Variants in KLHL29 observed in about 807,000 individuals in gnomAD.
KLHL29 encodes kelch like family member 29, also known as kelch-like protein 29.
A neutral mutation model predicts 80.4 loss-of-function variants in KLHL29; 21 were observed. That is an observed-to-expected ratio of 0.26 (90% CI 0.19 to 0.38). The LOEUF (loss-of-function observed/expected upper bound fraction) is 0.38. Among genes scored for constraint, KLHL29 ranks in the 10% least tolerant of loss-of-function variants. KLHL29 has a pLI of 1.00. For synonymous variants in KLHL29, 511 were observed against 526.8 expected (o/e 0.97, Z 0.41); for missense variants, 867 against 1,223.9 (o/e 0.71, Z 4.35).
rs1330407794 is a variant in KLHL29 at position 23,647,700 on chromosome 2, T to C, written c.940+4850T>C. Among the ~76,000 whole-genome samples, 3 of 152,118 alleles carry C rather than the reference T, an allele frequency of 2.0e-5. No homozygotes were observed. The highest frequency in any genetic ancestry group is 4.4e-5 in the Non-Finnish European group (3 of 68,026). ...TGCCACACCCTGTCCAACAACCCAG[T>C]TGCTCTGGGGACAACGGCCAGCGCT... On this transcript the variant is annotated intron_variant, in intron 5 of 13. Coordinates refer to ENST00000486442, the MANE Select transcript of KLHL29 (RefSeq NM_052920.2). This position sits in a 1 kb window ranked among gnomAD's most constrained non-coding sequence, Gnocchi z 4.9.
chr2:23,461,914 G>A (rs1227873609), intron 1 of KLHL29, among the ~76,000 whole-genome samples: 1 of 151,296 alleles, frequency 6.6e-6, no homozygotes, highest in African/African-American at 2.4e-5. Flanking sequence ...ATGGCCCCTA[G>A]GGAGAGGGAA....
At chr2:23,666,314 G>C (rs964319493) in intron 5 of KLHL29, among the ~76,000 whole-genome samples, 1 of 152,184 alleles carries the variant, frequency 6.6e-6, no homozygotes, top group African/African-American at 2.4e-5. Context: ...CAAAACCAGG[G>C]CAGGGGTCTC....
At chr2:23,498,634 G>A (rs1275366178) in intron 2 of KLHL29, among the ~76,000 whole-genome samples, 1 of 152,244 alleles carries the variant, frequency 6.6e-6, no homozygotes, top group Non-Finnish European at 1.5e-5. Flanking sequence ...GAAGGTCGGG[G>A]CTTCCTTCCA....
chr2:23,539,551 C>T (rs1666776414), intron 2 of KLHL29, among the ~76,000 whole-genome samples: 2 of 150,908 alleles, frequency 1.3e-5, no homozygotes, highest in Non-Finnish European at 2.9e-5. Context: ...AAGCCGTCCT[C>T]CTGCCCCAGC....
At chr2:23,393,614 C>T in intron 1 of KLHL29, among the ~76,000 whole-genome samples, 1 of 152,108 alleles carries the variant, frequency 6.6e-6, no homozygotes, top group East Asian at 1.9e-4. Context: ...CTGTATTTTC[C>T]AACTTCTTCT....
chr2:23,433,703 C>CAGG (rs1663250454), intron 1 of KLHL29, among the ~76,000 whole-genome samples: 1 of 152,102 alleles, frequency 6.6e-6, no homozygotes, highest in Non-Finnish European at 1.5e-5. Context: ...CGCTTGAAGC[C>CAGG]AGGAGTTCAA....
chr2:23,388,173 G>A (rs1345464739), intron 1 of KLHL29, among the ~76,000 whole-genome samples: 5 of 152,122 alleles, frequency 3.3e-5, no homozygotes, highest in Non-Finnish European at 7.3e-5. Flanking sequence ...ATGAGTGGTG[G>A]TCATACTTCA....
At chr2:23,500,076 A>G (rs950306332) in intron 2 of KLHL29, among the ~76,000 whole-genome samples, 2 of 152,234 alleles carry the variant, frequency 1.3e-5, no homozygotes, top group Non-Finnish European at 2.9e-5. Context: ...CGCCAGCAAG[A>G]TAACAGTGAA....
intron 1 of KLHL29, among the ~76,000 whole-genome samples, chr2:23,473,749 C>G (rs1225775724): frequency 6.6e-6 from 1 of 152,140 alleles, no homozygotes; most frequent in African/African-American, 2.4e-5. Context: ...TCTTTGGGCT[C>G]TCAAGTTAGT....
Position 23,479,210 on chromosome 2 carries a change from G to A in KLHL29, c.-46+3543G>A, listed in dbSNP as rs192339470. Among the ~76,000 whole-genome samples, 73 of 151,044 alleles carry A rather than the reference G, an allele frequency of 4.8e-4. 1 individual carries two copies. The highest frequency in any genetic ancestry group is 1.6e-3 in the African/African-American group (65 of 41,092). ...CCCTTCTTCAAATAGGTATGTGGGC[G>A]CTCACACCCCTGAAAAGGCCGTGTG... On this transcript the variant is annotated intron_variant, in intron 2 of 13. Transcript: ENST00000486442.
At chr2:23,567,726 T>C (rs1667624534) in intron 3 of KLHL29, among the ~76,000 whole-genome samples, 1 of 152,218 alleles carries the variant, frequency 6.6e-6, no homozygotes, top group Non-Finnish European at 1.5e-5. Flanking sequence ...CACAGAACTC[T>C]CATTCCTCTT....
rs544452174 is a variant in KLHL29, at chr2:23,661,352, A to AC, written c.940+18502_940+18503insC. On this transcript the variant is annotated intron_variant, in intron 5 of 13. Coordinates refer to ENST00000486442, the MANE Select transcript of KLHL29 (RefSeq NM_052920.2). ...TCAAGACCCTGTCTAAAAAAAAAAA[A>AC]AAAACCATGAAAAATGTTTTAACAG... 2.8e-3 allele frequency among the ~76,000 whole-genome samples: 420 copies of AC among 151,858 alleles called. 2 individuals carry two copies. The highest frequency in any genetic ancestry group is 0.024 in the Middle Eastern group (7 of 294).
At chr2:23,665,908 A>G (rs1435945124) in intron 5 of KLHL29, among the ~76,000 whole-genome samples, 1 of 152,226 alleles carries the variant, frequency 6.6e-6, no homozygotes. Flanking sequence ...GGAGGGGACA[A>G]ATATCCAAAC....
At chr2:23,437,735 A>G (rs1279086197) in intron 1 of KLHL29, among the ~76,000 whole-genome samples, 1 of 152,238 alleles carries the variant, frequency 6.6e-6, no homozygotes, top group Non-Finnish European at 1.5e-5. Flanking sequence ...GTTTTAAGTC[A>G]GGTAGCATGA....
In KLHL29 at chr2:23,680,671, C is replaced by CTCTAGGCCATCTTCCCCTGGGG. The variant is rs1558436891; in HGVS notation, c.941-3725_941-3724insAGGCCATCTTCCCCTGGGGTCT. Among the ~76,000 whole-genome samples, 1 of 140,066 alleles carries CTCTAGGCCATCTTCCCCTGGGG rather than the reference C, an allele frequency of 7.1e-6. No individual in the cohort carries two copies. Among genetic ancestry groups the CTCTAGGCCATCTTCCCCTGGGG allele is most frequent in the Non-Finnish European group, 1.6e-5 (1 of 63,032 alleles). 91.9% of individuals were successfully genotyped at this position (140,066 alleles called of 152,430 possible). On this transcript the variant is annotated intron_variant, in intron 5 of 13. Coordinates refer to ENST00000486442, the MANE Select transcript of KLHL29 (RefSeq NM_052920.2). The surrounding 1 kb of genome is among the most constrained non-coding windows in gnomAD (Gnocchi z 4.1). ...GGTCTCTAGGCCATCTTCTCCTGGG[C>CTCTAGGCCATCTTCCCCTGGGG]TCTCTAGGCCATCTTCCCCTGGGGT...
intron 2 of KLHL29, among the ~76,000 whole-genome samples, chr2:23,535,551 A>C (rs1666635069): frequency 6.6e-6 from 1 of 152,260 alleles, no homozygotes; most frequent in African/African-American, 2.4e-5. Context: ...CATACAATTG[A>C]ATATTATCTA....
At chr2:23,584,712 A>G (rs1232869308) in intron 3 of KLHL29, among the ~76,000 whole-genome samples, 1 of 152,030 alleles carries the variant, frequency 6.6e-6, no homozygotes, top group Non-Finnish European at 1.5e-5. Flanking sequence ...AGGAAGTTTT[A>G]CTCAGCCTTT....
intron 3 of KLHL29, among the ~76,000 whole-genome samples, chr2:23,581,642 A>G (rs1381492239): frequency 2.6e-5 from 4 of 152,068 alleles, no homozygotes; most frequent in Admixed American, 2.6e-4. Context: ...CCTGGCCAAC[A>G]TGGTGAAACC....
intron 5 of KLHL29, among the ~76,000 whole-genome samples, chr2:23,661,340 T>A (rs866910743): frequency 2.3e-4 from 31 of 134,874 alleles, no homozygotes; most frequent in South Asian, 7.3e-4. Context: ...AGACCCTGTC[T>A]AAAAAAAAAA....
Sources: gnomAD v4.1 joint callset for allele counts (sites outside exome capture counted in the v4.1 genomes callset) on GRCh38, gnomAD v4.1.1 for gene constraint, Gnocchi (gnomAD v3.1) non-coding constraint, MANE v1.5 for transcripts, NCBI Gene and HGNC (gene_info 2026-07-23, HGNC 2026-07-21) for gene names.